Variants in NYAP2 observed in about 807,000 individuals in gnomAD.
NYAP2 encodes the protein neuronal tyrosine-phosphorylated phosphoinositide-3-kinase adaptor 2.
A neutral mutation model predicts 50.4 loss-of-function variants in NYAP2; 23 were observed. The ratio of observed to expected loss-of-function variants is 0.46; its 90% CI spans 0.33 to 0.65. The LOEUF (loss-of-function observed/expected upper bound fraction) is 0.65. Among genes scored for constraint, NYAP2 ranks in the 30% least tolerant of loss-of-function variants. NYAP2 has a pLI of 0.02. For synonymous variants in NYAP2, 394 were observed against 365.2 expected (o/e 1.08, Z -0.90); for missense variants, 885 against 861.0 (o/e 1.03, Z -0.35).
At chr2:225,607,052 A>C (rs1692798715) in intron 5 of NYAP2, among the ~76,000 whole-genome samples, 1 of 152,148 alleles carries the variant, frequency 6.6e-6, no homozygotes, top group Admixed American at 6.6e-5. Flanking sequence ...GTAGGGGGAC[A>C]CTTCTCATCA....
At chr2:225,591,118 G>A (rs556283128) in intron 5 of NYAP2, among the ~76,000 whole-genome samples, 13 of 152,292 alleles carry the variant, frequency 8.5e-5, no homozygotes, top group African/African-American at 2.6e-4. Context: ...AGAGCATGGC[G>A]GGCCCTCCAG....
At chr2:225,502,124 A>C (rs1032127961) in intron 3 of NYAP2, among the ~76,000 whole-genome samples, 4 of 152,196 alleles carry the variant, frequency 2.6e-5, no homozygotes, top group Admixed American at 2.0e-4. Flanking sequence ...TAATTTAGAG[A>C]GTGACACGAG....
At chr2:225,419,138 T>C (rs1695173299) in intron 3 of NYAP2, among the ~76,000 whole-genome samples, 1 of 152,186 alleles carries the variant, frequency 6.6e-6, no homozygotes, top group Admixed American at 6.5e-5. Flanking sequence ...AAGAGCTATA[T>C]GATCCACACA....
intron 3 of NYAP2, among the ~76,000 whole-genome samples, chr2:225,445,495 C>T (rs1689538227): frequency 6.6e-6 from 1 of 151,678 alleles, no homozygotes; most frequent in African/African-American, 2.4e-5. Flanking sequence ...TTCAGAGTGC[C>T]ATCTGGAAAA....
intron 3 of NYAP2, among the ~76,000 whole-genome samples, chr2:225,512,764 TTC>T (rs1411204676): frequency 1.3e-5 from 2 of 148,196 alleles, no homozygotes; most frequent in South Asian, 2.1e-4. Flanking sequence ...TCTTCTTTCT[TTC>T]TCTTTTTCTC....
chr2:225,482,790 C>A (rs1690227942), intron 3 of NYAP2, among the ~76,000 whole-genome samples: 1 of 152,118 alleles, frequency 6.6e-6, no homozygotes, highest in South Asian at 2.1e-4. Context: ...CCCCAGCCAG[C>A]CCTACCCCAA....
chr2:225,622,661 C>G (rs1693141345), intron 5 of NYAP2, among the ~76,000 whole-genome samples: 1 of 151,168 alleles, frequency 6.6e-6, no homozygotes, highest in Non-Finnish European at 1.5e-5. Context: ...ATCACTGCAA[C>G]CTCCACCTCC....
chr2:225,700,523 C>T, the NYAP2 span: 1 of 151,686 alleles, frequency 6.6e-6, no homozygotes, highest in Non-Finnish European at 1.5e-5. Context: ...ACCAAATAAT[C>T]TATGAAGCAC....
intron 3 of NYAP2, among the ~76,000 whole-genome samples, chr2:225,411,999 T>C (rs1289051022): frequency 1.3e-5 from 2 of 149,094 alleles, no homozygotes; most frequent in Non-Finnish European, 3.0e-5. Context: ...TATATTATAC[T>C]ATAATAATAT....
At chr2:225,531,463 CCTAT>C (rs61142456) in intron 4 of NYAP2, among the ~76,000 whole-genome samples, 1 of 152,254 alleles carries the variant, frequency 6.6e-6, no homozygotes, top group African/African-American at 2.4e-5. Flanking sequence ...TAAATATCTG[CCTAT>C]CTTTTTTGTA....
intron 5 of NYAP2, among the ~76,000 whole-genome samples, chr2:225,587,122 A>T (rs1019439673): frequency 6.6e-6 from 1 of 152,190 alleles, no homozygotes; most frequent in African/African-American, 2.4e-5. Context: ...CCATGATTCA[A>T]TCACCTCCCA....
intron 3 of NYAP2, among the ~76,000 whole-genome samples, chr2:225,439,280 G>A (rs1008027609): frequency 6.6e-6 from 1 of 152,186 alleles, no homozygotes; most frequent in Admixed American, 6.5e-5. Flanking sequence ...AAATAAAGAA[G>A]GGGATTAAGC....
chr2:225,553,181 A>C (rs1691710451), intron 4 of NYAP2, among the ~76,000 whole-genome samples: 1 of 152,260 alleles, frequency 6.6e-6, no homozygotes, highest in Non-Finnish European at 1.5e-5. Context: ...ATTCTGAAAC[A>C]TAAAGAAGCT....
At chr2:225,664,933 G>T in the NYAP2 span, among the ~76,000 whole-genome samples, 1 of 151,998 alleles carries the variant, frequency 6.6e-6, no homozygotes, top group Non-Finnish European at 1.5e-5. Context: ...AAACTATCAT[G>T]GAAACAATTC....
At chr2:225,414,162 A>G (rs1034324566) in intron 3 of NYAP2, among the ~76,000 whole-genome samples, 1 of 152,172 alleles carries the variant, frequency 6.6e-6, no homozygotes. Flanking sequence ...CCTTATCACT[A>G]TTACCTTTCT....
At chr2:225,596,341 T>A (rs1224268849) in intron 5 of NYAP2, among the ~76,000 whole-genome samples, 1 of 152,204 alleles carries the variant, frequency 6.6e-6, no homozygotes, top group Non-Finnish European at 1.5e-5. Context: ...GTTGTAAATG[T>A]GTGTTTAAAT....
chr2:225,589,611 G>T (rs1353997531), intron 5 of NYAP2, among the ~76,000 whole-genome samples: 1 of 149,310 alleles, frequency 6.7e-6, no homozygotes. Flanking sequence ...AGGAGGATCA[G>T]TTGAGTCTGG....
downstream of NYAP2, among the ~76,000 whole-genome samples, chr2:225,657,779 A>G (rs114526091): frequency 0.025 from 3,823 of 152,190 alleles, 181 homozygotes; most frequent in African/African-American, 0.087. Flanking sequence ...GACCAGGGAC[A>G]TTTTACCTGA....
chr2:225,636,623 A>G (rs1286633019), intron 6 of NYAP2, among the ~76,000 whole-genome samples: 1 of 152,060 alleles, frequency 6.6e-6, no homozygotes, highest in Non-Finnish European at 1.5e-5. Context: ...GCTCTTTATC[A>G]AGAAGTAAAG....
Sources: allele counts gnomAD v4.1 joint callset (sites outside exome capture counted in the v4.1 genomes callset), GRCh38; gene constraint gnomAD v4.1.1; transcripts MANE v1.5; gene names NCBI Gene and HGNC (gene_info 2026-07-23, HGNC 2026-07-21).